FMN2: variants seen among roughly 807,000 people sequenced by gnomAD.
FMN2 encodes the protein formin-2.
Under a neutral mutation model 142.3 loss-of-function variants are expected in FMN2, and 51 were observed. That is an observed-to-expected ratio of 0.36 (90% confidence interval 0.29 to 0.45). The LOEUF (loss-of-function observed/expected upper bound fraction) is 0.45, where lower values mean the gene tolerates loss of function less well. Ranked by LOEUF, FMN2 falls within the 20% of genes least tolerant of loss-of-function variation. The pLI, the probability that FMN2 is intolerant of heterozygous loss-of-function variation, is 1.00. For synonymous variants in FMN2, 882 were observed against 869.8 expected (o/e 1.01, Z -0.25); for missense variants, 1,936 against 2,122.8 (o/e 0.91, Z 1.73).
chr1:240,301,321 C>G (rs1382174179), intron 8 of FMN2, among the ~76,000 whole-genome samples: 1 of 151,600 alleles, frequency 6.6e-6, no homozygotes, highest in Admixed American at 6.6e-5. Context: ...TTTTTGCTGC[C>G]TCTCCTGCTC....
At chr1:240,257,501 G>A (rs754110709) in intron 6 of FMN2, among the ~76,000 whole-genome samples, 2 of 152,134 alleles carry the variant, frequency 1.3e-5, no homozygotes, top group Non-Finnish European at 2.9e-5. Context: ...TTCTCTATGT[G>A]TGTACTTTTA....
intron 8 of FMN2, among the ~76,000 whole-genome samples, chr1:240,316,735 T>C (rs1463036696): frequency 6.6e-6 from 1 of 152,180 alleles, no homozygotes; most frequent in African/African-American, 2.4e-5. Flanking sequence ...TTTTTTTCTT[T>C]CAAGTTTTTA....
chr1:240,109,431 G>A (rs1367977642), intron 1 of FMN2, among the ~76,000 whole-genome samples: 1 of 152,174 alleles, frequency 6.6e-6, no homozygotes, highest in Admixed American at 6.5e-5. Flanking sequence ...TGGGAGAAGA[G>A]CATCTCCTAC....
chr1:240,441,798 C>G (rs1453557818), intron 16 of FMN2, among the ~76,000 whole-genome samples: 1 of 151,992 alleles, frequency 6.6e-6, no homozygotes, highest in Non-Finnish European at 1.5e-5. Flanking sequence ...TAAGTATTTG[C>G]TGACTTGTTG....
chr1:240,337,798 G>A (rs1386307524), intron 13 of FMN2, among the ~76,000 whole-genome samples: 1 of 152,162 alleles, frequency 6.6e-6, no homozygotes, highest in Non-Finnish European at 1.5e-5. Flanking sequence ...ACATTTTAAT[G>A]AGACGACTGA....
At chr1:240,311,436 T>C (rs576496592) in intron 8 of FMN2, among the ~76,000 whole-genome samples, 5 of 152,172 alleles carry the variant, frequency 3.3e-5, no homozygotes, top group Non-Finnish European at 5.9e-5. Flanking sequence ...ACATAGCTGT[T>C]TTAAAACCAT....
chr1:240,447,543 A>G (rs938537015), intron 16 of FMN2, among the ~76,000 whole-genome samples: 7 of 152,234 alleles, frequency 4.6e-5, no homozygotes, highest in African/African-American at 1.4e-4. Flanking sequence ...GACAGTAACA[A>G]GTGTTGCAGA....
intron 15 of FMN2, among the ~76,000 whole-genome samples, chr1:240,428,797 T>G (rs1329058777): frequency 6.6e-6 from 1 of 152,212 alleles, no homozygotes; most frequent in African/African-American, 2.4e-5. Flanking sequence ...CAACATATTG[T>G]TAACTATTAT....
At chr1:240,425,468 A>G (rs9659023) in intron 15 of FMN2, among the ~76,000 whole-genome samples, 27,069 of 151,988 alleles carry the variant, frequency 0.18, 2,698 homozygotes, top group East Asian at 0.39. Flanking sequence ...CCCCCACCCC[A>G]GTTGCTTTTG....
intron 6 of FMN2, among the ~76,000 whole-genome samples, chr1:240,218,842 A>G (rs1484807475): frequency 6.6e-6 from 1 of 152,132 alleles, no homozygotes; most frequent in African/African-American, 2.4e-5. Context: ...CCCAAGAGAG[A>G]CAGTTTTGAG....
At chr1:240,472,516 T>G in intron 17 of FMN2, 63 bp downstream of exon 17, 1 of 1,033,446 alleles carries the variant, frequency 9.7e-7, no homozygotes, top group Non-Finnish European at 1.4e-6. Flanking sequence ...TTTCATAATA[T>G]ATACAAACTC....
At position 240,333,932 on chromosome 1, in the gene FMN2, C is replaced by T. The variant is rs1483564191; in HGVS notation, c.4630C>T (p.Arg1544Ter). The change falls in exon 12 of 18, where the codon CGA becomes TGA. Residue 1544 changes from arginine (R) to a stop codon, truncating the protein, a stop_gained. Transcript: ENST00000319653. LOFTEE classifies it high-confidence loss of function. ...LLSYIVSYYL[R>*]NFDEDAGKEQ... ...GTCATATATTGTTTCGTATTATCTC[C>T]GAAATTTTGATGAGGTAAGACAATT... The T allele has an allele frequency of 3.1e-6, 5 of 1,609,172 alleles. No individual in the cohort carries two copies. Among genetic ancestry groups the T allele is most frequent in the Non-Finnish European group, 4.2e-6 (5 of 1,177,972 alleles).
intron 2 of FMN2, among the ~76,000 whole-genome samples, chr1:240,155,930 T>G (rs1274891883): frequency 2.0e-5 from 3 of 151,560 alleles, no homozygotes; most frequent in Non-Finnish European, 2.9e-5. Context: ...AAACTTGGAA[T>G]TTTTATAAAT....
At chr1:240,144,705 C>T in intron 2 of FMN2, 1 of 1,297,468 alleles carries the variant, frequency 7.7e-7, no homozygotes, top group Non-Finnish European at 1.1e-6. Context: ...TTTGTGTATG[C>T]ATTCTCATCA....
chr1:240,122,657 CA>C (rs949114402), intron 1 of FMN2, among the ~76,000 whole-genome samples: 1 of 152,090 alleles, frequency 6.6e-6, no homozygotes, highest in Admixed American at 6.6e-5. Context: ...TGGTGTGTGC[CA>C]GTAGCTCTAG....
chr1:240,353,566 G>T (rs1672166641), intron 13 of FMN2, among the ~76,000 whole-genome samples: 1 of 152,186 alleles, frequency 6.6e-6, no homozygotes, highest in African/African-American at 2.4e-5. Flanking sequence ...GTCTAGTGGG[G>T]CAGAAGACAC....
chr1:240,268,247 G>A (rs953834466), intron 7 of FMN2, among the ~76,000 whole-genome samples: 1 of 152,034 alleles, frequency 6.6e-6, no homozygotes, highest in Non-Finnish European at 1.5e-5. Flanking sequence ...TGATTGTTTT[G>A]TAGTTTGGCT....
At chr1:240,228,303 C>CAAAAAAAAAAAA (rs577421634) in intron 6 of FMN2, among the ~76,000 whole-genome samples, 160 of 47,704 alleles carry the variant, frequency 3.4e-3, no homozygotes, top group East Asian at 6.2e-3. Flanking sequence ...AACTCTGTCT[C>CAAAAAAAAAAAA]AAAAAAAAAA....
intron 2 of FMN2, among the ~76,000 whole-genome samples, chr1:240,134,174 A>AGAATCAG (rs1469753882): frequency 1.3e-5 from 2 of 152,244 alleles, no homozygotes; most frequent in Admixed American, 1.3e-4. Context: ...TTCTTATTAC[A>AGAATCAG]GAATCAGGCA....
Sources: gnomAD v4.1 joint callset for allele counts (sites outside exome capture counted in the v4.1 genomes callset) on GRCh38, gnomAD v4.1.1 for gene constraint, MANE v1.5 for transcripts, NCBI Gene and HGNC (gene_info 2026-07-23, HGNC 2026-07-21) for gene names.